NANS: variants seen among roughly 807,000 people sequenced by gnomAD.
NANS encodes N-acetylneuraminate-9-phosphate synthase.
In NANS, 29 loss-of-function variants were observed where a neutral mutation model predicts 33.3. The ratio of observed to expected loss-of-function variants is 0.87; its 90% CI spans 0.65 to 1.19. The LOEUF (loss-of-function observed/expected upper bound fraction) is 1.19. Ranked by LOEUF, NANS falls within the 50% of genes most tolerant of loss-of-function variation. NANS has a pLI of 0.00. For synonymous variants in NANS, 163 were observed against 177.2 expected, an observed-to-expected ratio of 0.92 and a Z score of 0.64; for missense variants, 394 against 461.1, an observed-to-expected ratio of 0.85 and a Z score of 1.33.
chr9:98,071,480 C>G (rs1829335542), intron 2 of NANS, among the ~76,000 whole-genome samples: 1 of 152,202 alleles, frequency 6.6e-6, no homozygotes, highest in African/African-American at 2.4e-5. Flanking sequence ...CAGAACCCAT[C>G]TGGGAGGGAA....
At chr9:98,062,470 C>G (rs942167) in intron 2 of NANS, among the ~76,000 whole-genome samples, 92,890 of 152,000 alleles carry the variant, frequency 0.61, 31,128 homozygotes, top group African/African-American at 0.89. Context: ...AAAAATTTTA[C>G]TTGTAAAAAT....
chr9:98,063,174 C>T (rs537400060), intron 2 of NANS, among the ~76,000 whole-genome samples: 5 of 151,694 alleles, frequency 3.3e-5, no homozygotes, highest in Admixed American at 3.3e-4. Context: ...CCCATCCGCC[C>T]GCCCCAGCCT....
intron 2 of NANS, among the ~76,000 whole-genome samples, chr9:98,072,002 G>A (rs965893097): frequency 1.6e-4 from 25 of 152,244 alleles, no homozygotes; most frequent in African/African-American, 5.5e-4. Context: ...TGTTTGCAGC[G>A]GGGCTTCCTC....
rs576161768 is a variant in NANS, at chr9:98,081,010, G to A, written c.798G>A (p.Val266=). 2 of 1,614,200 alleles carry A rather than the reference G, an allele frequency of 1.2e-6. No individual in the cohort carries two copies. Among genetic ancestry groups the A allele is most frequent in the South Asian group, 1.1e-5 (1 of 91,088 alleles). ...PGELAELVRS[V]RLVERALGSP... Reference sequence around the variant, plus strand: ...AACTGGCCGAGCTGGTGCGGTCAGTGCGTCTTGTGGAGCGTGCCCTGGGCT... The same window carrying A: ...AACTGGCCGAGCTGGTGCGGTCAGTACGTCTTGTGGAGCGTGCCCTGGGCT... Residue 266 remains valine (V), a synonymous_variant, in exon 5 of 6, where the codon GTG becomes GTA. Coordinates refer to ENST00000210444, the MANE Select transcript of NANS (RefSeq NM_018946.4).
intron 2 of NANS, chr9:98,075,158 A>G (rs1799683607): frequency 6.6e-6 from 1 of 151,896 alleles, no homozygotes; most frequent in Non-Finnish European, 1.5e-5. Context: ...ATTAAAAAAA[A>G]AAAAAAATTA....
chr9:98,073,138 C>CCCTT (rs1344466775), intron 2 of NANS, among the ~76,000 whole-genome samples: 2 of 152,142 alleles, frequency 1.3e-5, no homozygotes, highest in African/African-American at 4.8e-5. Flanking sequence ...AGCAAAGCCG[C>CCCTT]CCTTCCCTCC....
rs759810304 is a variant in NANS at position 98,060,777 on chromosome 9, T to G, written c.133-5T>G. 4.3e-5 allele frequency: 69 copies of G among 1,613,650 alleles called. 1 individual carries two copies. The highest frequency in any genetic ancestry group is 5.7e-5 in the Non-Finnish European group (67 of 1,179,680). ...CACTGAAAGATGTCCTAATGTGTGT[T>G]GTAGGAGTGTGGGGCTGATTGTGCT... On this transcript the variant is annotated splice_polypyrimidine_tract_variant and splice_region_variant and intron_variant, in intron 1 of 5. Transcript: ENST00000210444.
At chr9:98,064,100 G>A (rs1829064300) in intron 2 of NANS, among the ~76,000 whole-genome samples, 1 of 152,144 alleles carries the variant, frequency 6.6e-6, no homozygotes, top group South Asian at 2.1e-4. Context: ...GAGGTAATGG[G>A]TGGTTTAAAA....
intron 2 of NANS, among the ~76,000 whole-genome samples, chr9:98,071,481 T>C (rs1357326178): frequency 2.6e-5 from 4 of 152,250 alleles, no homozygotes; most frequent in African/African-American, 9.6e-5. Flanking sequence ...AGAACCCATC[T>C]GGGAGGGAAA....
rs1238581261 is a variant in NANS, at chr9:98,060,915, A to G, written c.266A>G (p.Glu89Gly). 2.5e-6 allele frequency: 4 copies of G among 1,614,068 alleles called. No individual in the cohort carries two copies. The highest frequency in any genetic ancestry group is 3.4e-6 in the Non-Finnish European group (4 of 1,180,038). Residue 89 changes from glutamate (E) to glycine (G), a missense_variant, in exon 2 of 6, where the codon GAG (glutamate) becomes GGG (glycine). Glu to Gly is a moderately conservative substitution (Grantham distance 98). Transcript: ENST00000210444. ...TACGGGGAGCACAAACGACATCTGGAGTTCAGCCATGACCAGTACAGGGAG... is the reference window on the plus strand; with the variant it reads ...TACGGGGAGCACAAACGACATCTGGGGTTCAGCCATGACCAGTACAGGGAG... ...KTYGEHKRHLEFSHDQYRELQ... is the reference protein window; with the variant it reads ...KTYGEHKRHLGFSHDQYRELQ...
At chr9:98,066,389 G>A (rs536349058) in intron 2 of NANS, among the ~76,000 whole-genome samples, 1 of 152,270 alleles carries the variant, frequency 6.6e-6, no homozygotes, top group East Asian at 1.9e-4. Context: ...GCTAGGTGAT[G>A]TGTGATGACA....
chr9:98,080,979 C>T lies in NANS; in HGVS notation c.767C>T (p.Pro256Leu). The T allele has an allele frequency of 3.7e-6, 6 of 1,614,196 alleles. No individual in the cohort carries two copies. Among genetic ancestry groups the T allele is most frequent in the Non-Finnish European group, 5.1e-6 (6 of 1,180,050 alleles). Residue 256 changes from proline to leucine, a missense_variant, in exon 5 of 6, where the codon CCT becomes CTT. Coordinates refer to ENST00000210444, the MANE Select transcript of NANS (RefSeq NM_018946.4). ...AGTGACCACTCGGCCTCGCTGGAGC[C>T]TGGAGAACTGGCCGAGCTGGTGCGG... is the stretch of plus-strand genomic sequence containing the variant. ...KGSDHSASLE[P>L]GELAELVRSV...
chr9:98,059,325 C>A (rs771870729), intron 1 of NANS, among the ~76,000 whole-genome samples: 1 of 152,114 alleles, frequency 6.6e-6, no homozygotes, highest in Non-Finnish European at 1.5e-5. Flanking sequence ...GCCCGGCAGC[C>A]AAGAAGTTTT....
chr9:98,080,515 C>T (rs1340858754), intron 4 of NANS, among the ~76,000 whole-genome samples: 1 of 152,178 alleles, frequency 6.6e-6, no homozygotes, highest in Non-Finnish European at 1.5e-5. Context: ...ATTTATAGTT[C>T]TGTTGTTACT....
At position 98,056,835 on chromosome 9, in the gene NANS, C is replaced by T. The variant is rs763988137; in HGVS notation, c.27C>T (p.Pro9=). 14 of 1,537,238 alleles carry T rather than the reference C, an allele frequency of 9.1e-6. No individual in the cohort carries two copies. Among genetic ancestry groups the T allele is most frequent in the African/African-American group, 1.4e-5 (1 of 72,054 alleles). ...TGCCGCTGGAGCTGGAGCTGTGTCC[C>T]GGGCGCTGGGTGGGCGGGCAACACC... MPLELELC[P]GRWVGGQHPC... The change falls in exon 1 of 6, where the codon CCC becomes CCT. Residue 9 remains proline, a synonymous_variant. Transcript: ENST00000210444.
intron 4 of NANS, among the ~76,000 whole-genome samples, chr9:98,079,577 GTTA>G (rs1829756247): frequency 6.6e-6 from 1 of 151,960 alleles, no homozygotes; most frequent in African/African-American, 2.4e-5. Flanking sequence ...TCTAAATCAC[GTTA>G]TTTTTAAAAT....
In NANS at chr9:98,078,287, CT is replaced by C; in HGVS notation, c.545del (p.Leu182CysfsTer31). The C allele has an allele frequency of 6.2e-7, 1 of 1,614,090 alleles. No homozygotes were observed. The highest frequency in any genetic ancestry group is 8.5e-7 in the Non-Finnish European group (1 of 1,180,020). ...AGCCCCTCAACCCCAACTTCTGCTTCTTGCAGTGTACCAGCGCATACCCGCT... is the reference window on the plus strand; with the variant it reads ...AGCCCCTCAACCCCAACTTCTGCTTCTGCAGTGTACCAGCGCATACCCGCT... ...VKPLNPNFCF[L>X]QCTSAYPLQP... On this transcript the variant is annotated frameshift_variant, in exon 4 of 6. Coordinates refer to ENST00000210444, the MANE Select transcript of NANS (RefSeq NM_018946.4). LOFTEE classifies it high-confidence loss of function.
At chr9:98,071,708 G>A (rs1377178166) in intron 2 of NANS, among the ~76,000 whole-genome samples, 1 of 152,172 alleles carries the variant, frequency 6.6e-6, no homozygotes, top group Non-Finnish European at 1.5e-5. Flanking sequence ...CATTTTCCGT[G>A]TGTGACCAAG....
chr9:98,079,864 A>G (rs915623563), intron 4 of NANS, among the ~76,000 whole-genome samples: 7 of 151,966 alleles, frequency 4.6e-5, no homozygotes, highest in African/African-American at 1.7e-4. Flanking sequence ...TCCATCACAC[A>G]CCCTTAAGCC....
Sources: gnomAD v4.1 joint callset for allele counts (sites outside exome capture counted in the v4.1 genomes callset) on GRCh38, gnomAD v4.1.1 for gene constraint, MANE v1.5 for transcripts, NCBI Gene and HGNC (gene_info 2026-07-23, HGNC 2026-07-21) for gene names.